Variants in ELMO1 observed in about 807,000 individuals in gnomAD.
ELMO1 encodes engulfment and cell motility protein 1.
A neutral mutation model predicts 98.9 loss-of-function variants in ELMO1; 26 were observed. That is an observed-to-expected ratio of 0.26 (90% CI 0.19 to 0.36). The LOEUF (loss-of-function observed/expected upper bound fraction) is 0.36. Among genes scored for constraint, ELMO1 ranks in the 10% least tolerant of loss-of-function variants. ELMO1 has a pLI of 1.00. For synonymous variants in ELMO1, 346 were observed against 346.0 expected, an observed-to-expected ratio of 1.00 and a Z score of 0.00; for missense variants, 627 against 935.2, an observed-to-expected ratio of 0.67 and a Z score of 4.30.
In ELMO1 at chr7:37,211,303, C is replaced by A. The variant is rs539907267; in HGVS notation, c.1086+83G>T. On this transcript the variant is annotated intron_variant, in intron 13 of 21. Coordinates refer to ENST00000310758, the MANE Select transcript of ELMO1 (RefSeq NM_014800.11). ...CCGTAAAGCGCAAGAGGACCACACG[C>A]TCGGAAGAGACATCAGTTATGTGGC... 17 of 1,598,356 alleles carry A rather than the reference C, an allele frequency of 1.1e-5. No homozygotes were observed. The South Asian group carries it at 1.6e-4, about 15-fold the overall frequency.
At chr7:36,890,351 G>C (rs1449958998) in intron 17 of ELMO1, among the ~76,000 whole-genome samples, 1 of 152,206 alleles carries the variant, frequency 6.6e-6, no homozygotes, top group Non-Finnish European at 1.5e-5. Context: ...AGACTGGTGA[G>C]ATTCCTTCTT....
At chr7:37,219,831 T>C (rs1272589121) in intron 10 of ELMO1, among the ~76,000 whole-genome samples, 1 of 152,266 alleles carries the variant, frequency 6.6e-6, no homozygotes, top group Non-Finnish European at 1.5e-5. Context: ...TGAAATAATG[T>C]AATATAAAAC....
intron 16 of ELMO1, among the ~76,000 whole-genome samples, chr7:37,005,286 C>A (rs1792994321): frequency 6.6e-6 from 1 of 151,880 alleles, no homozygotes; most frequent in Non-Finnish European, 1.5e-5. Flanking sequence ...AGTGCACAAC[C>A]CCAGGACAGT....
At chr7:37,341,080 C>T (rs748171086) in intron 2 of ELMO1, among the ~76,000 whole-genome samples, 48 of 152,146 alleles carry the variant, frequency 3.2e-4, no homozygotes, top group Non-Finnish European at 6.0e-4. Flanking sequence ...AAAATGCAGA[C>T]TTGGGTCAGG....
At chr7:37,367,013 T>C (rs182830453) in intron 1 of ELMO1, among the ~76,000 whole-genome samples, 8 of 152,344 alleles carry the variant, frequency 5.3e-5, no homozygotes, top group Middle Eastern at 3.4e-3. Flanking sequence ...AATGAGAATG[T>C]TGCAAGCCCA....
chr7:37,316,118 C>T (rs1198300457), intron 2 of ELMO1, among the ~76,000 whole-genome samples, 158 bp from the exon 3 acceptor site: 1 of 152,124 alleles, frequency 6.6e-6, no homozygotes, highest in African/African-American at 2.4e-5. Flanking sequence ...CTCAAGGTAA[C>T]AATCTACCAG....
chr7:37,161,563 T>A (rs1332793157), intron 13 of ELMO1, among the ~76,000 whole-genome samples: 1 of 152,154 alleles, frequency 6.6e-6, no homozygotes, highest in Non-Finnish European at 1.5e-5. Context: ...GTTCTATTTA[T>A]GAAGATTTCT....
At position 37,331,333 on chromosome 7, in the gene ELMO1, C is replaced by CTTTTTTTTTTTTTTTTTTTTTTTTTT. The variant is rs776303689; in HGVS notation, c.78+11279_78+11280insAAAAAAAAAAAAAAAAAAAAAAAAAA. ...TACAGGCGCCAGCCGCCACGCCTGGCTTTTTTTTTTTTTTTTTTTTTTGGA... is the reference window on the plus strand; with the variant it reads ...TACAGGCGCCAGCCGCCACGCCTGGCTTTTTTTTTTTTTTTTTTTTTTTTTTTTTTTTTTTTTTTTTTTTTTTTGGA... On this transcript the variant is annotated intron_variant, in intron 2 of 21. Transcript: ENST00000310758. 1.0e-4 allele frequency among the ~76,000 whole-genome samples: 3 copies of CTTTTTTTTTTTTTTTTTTTTTTTTTT among 28,736 alleles called. 1 individual carries two copies. Among genetic ancestry groups the CTTTTTTTTTTTTTTTTTTTTTTTTTT allele is most frequent in the South Asian group, 2.1e-3 (1 of 480 alleles). 18.9% of individuals were successfully genotyped at this position (28,736 alleles called of 152,430 possible).
At chr7:37,184,773 G>A (rs1414957765) in intron 13 of ELMO1, among the ~76,000 whole-genome samples, 1 of 151,802 alleles carries the variant, frequency 6.6e-6, no homozygotes, top group Non-Finnish European at 1.5e-5. Flanking sequence ...ATTAGCCCTG[G>A]TGTGGTGGCA....
At chr7:37,088,868 A>G (rs1418168259) in intron 15 of ELMO1, among the ~76,000 whole-genome samples, 1 of 152,186 alleles carries the variant, frequency 6.6e-6, no homozygotes, top group African/African-American at 2.4e-5. Context: ...GCTTTAGAAC[A>G]TTTGTTTTTG....
chr7:37,329,258 T>C (rs1799976913), intron 2 of ELMO1, among the ~76,000 whole-genome samples: 1 of 152,258 alleles, frequency 6.6e-6, no homozygotes, highest in Non-Finnish European at 1.5e-5. Context: ...ACAACTCTTT[T>C]AGTTTTATTT....
At position 37,252,106 on chromosome 7, in the gene ELMO1, T is replaced by A. The variant is rs530508467; in HGVS notation, c.413+7075A>T. ...AGGACACAAACAAATGAAAAAACATTCCATGCTCATGGATAGAAAGAATCA... is the reference window on the plus strand; with the variant it reads ...AGGACACAAACAAATGAAAAAACATACCATGCTCATGGATAGAAAGAATCA... On this transcript the variant is annotated intron_variant, in intron 6 of 21. Coordinates refer to ENST00000310758, the MANE Select transcript of ELMO1 (RefSeq NM_014800.11). Among the ~76,000 whole-genome samples the A allele has an allele frequency of 2.6e-5, 4 of 152,240 alleles. No individual in the cohort carries two copies. The South Asian group carries it at 8.3e-4, about 32-fold the overall frequency.
chr7:37,291,880 ACCGCAG>A (rs972023905), intron 4 of ELMO1, among the ~76,000 whole-genome samples: 115 of 147,584 alleles, frequency 7.8e-4, no homozygotes, highest in Non-Finnish European at 1.4e-3. Flanking sequence ...ACACCACTGC[ACCGCAG>A]CCTGGGCTAC....
chr7:36,987,969 G>A (rs1476585421), intron 16 of ELMO1, among the ~76,000 whole-genome samples: 1 of 152,180 alleles, frequency 6.6e-6, no homozygotes, highest in East Asian at 1.9e-4. Flanking sequence ...TGTTGGACAG[G>A]CTGGTCTCAA....
At chr7:37,413,854 T>A (rs1417474566) in intron 1 of ELMO1, among the ~76,000 whole-genome samples, 1 of 151,982 alleles carries the variant, frequency 6.6e-6, no homozygotes, top group Non-Finnish European at 1.5e-5. Context: ...ATTTTTGTAT[T>A]TTTAGTAGAG....
chr7:37,204,498 C>A (rs544530689), intron 13 of ELMO1, among the ~76,000 whole-genome samples: 1 of 152,088 alleles, frequency 6.6e-6, no homozygotes, highest in South Asian at 2.1e-4. Context: ...CTCATAAAGG[C>A]GGCACAGACC....
chr7:37,371,860 C>T lies in ELMO1; in HGVS notation c.-73-29097G>A, dbSNP rs150409045. Among the ~76,000 whole-genome samples the T allele has an allele frequency of 8.5e-5, 13 of 152,252 alleles. No individual in the cohort carries two copies. In the East Asian group the frequency reaches 2.5e-3, roughly 29 times the overall value. On this transcript the variant is annotated intron_variant, in intron 1 of 21. Transcript: ENST00000310758. ...TGAGTTGCGAAGAGCAGCCGATTTC[C>T]GTTGCTTGAGGTGTGATTATTTGGC...
Position 37,339,102 on chromosome 7 carries a change from C to A in ELMO1, c.78+3511G>T, listed in dbSNP as rs185660846. Among the ~76,000 whole-genome samples the A allele has an allele frequency of 3.0e-4, 45 of 152,284 alleles. 1 individual carries two copies. Among genetic ancestry groups the A allele is most frequent in the South Asian group, 1.4e-3 (7 of 4,832 alleles). On this transcript the variant is annotated intron_variant, in intron 2 of 21. Coordinates refer to ENST00000310758, the MANE Select transcript of ELMO1 (RefSeq NM_014800.11). ...TTCATTTTAAGGACTGTTCACCAGG[C>A]AAGGAGAAACAACACTCAAAGACAG...
chr7:37,282,454 T>A (rs1797187719), intron 4 of ELMO1, among the ~76,000 whole-genome samples: 1 of 152,260 alleles, frequency 6.6e-6, no homozygotes, highest in African/African-American at 2.4e-5. Context: ...TCCAACTGTG[T>A]GTCCATTTTT....
Sources: gnomAD v4.1 joint callset for allele counts (sites outside exome capture counted in the v4.1 genomes callset) on GRCh38, gnomAD v4.1.1 for gene constraint, MANE v1.5 for transcripts, NCBI Gene and HGNC (gene_info 2026-07-23, HGNC 2026-07-21) for gene names.